SNTG2: variants seen among roughly 807,000 people sequenced by gnomAD.
SNTG2 encodes the protein syntrophin gamma 2.
Under a neutral mutation model 70.9 loss-of-function variants are expected in SNTG2, and 74 were observed. The ratio of observed to expected loss-of-function variants is 1.04; its 90% CI spans 0.86 to 1.27. The LOEUF is 1.27. SNTG2 is among the 50% of genes most tolerant of loss of function. SNTG2 has a pLI of 0.00. For missense variants in SNTG2, 717 were observed against 690.7 expected, an observed-to-expected ratio of 1.04 and a Z score of -0.43; for synonymous variants, 278 against 273.8, an observed-to-expected ratio of 1.02 and a Z score of -0.15.
chr2:1,205,945 A>C (rs2147982437), intron 8 of SNTG2, among the ~76,000 whole-genome samples: 1 of 152,292 alleles, frequency 6.6e-6, no homozygotes, highest in South Asian at 2.1e-4. Context: ...ATCATAAATT[A>C]AACAGAGGAA....
At position 1,124,948 on chromosome 2, in the gene SNTG2, C is replaced by T. The variant is rs375760284; in HGVS notation, c.326-12674C>T. Among the ~76,000 whole-genome samples, 14 of 152,166 alleles carry T rather than the reference C, an allele frequency of 9.2e-5. No individual in the cohort carries two copies. The East Asian group carries it at 2.5e-3, about 27-fold the overall frequency. ...CTACATTTTAGCTGCTCTTGACACA[C>T]ACAAAACAAAACAAAACAAAAATAT... On this transcript the variant is annotated intron_variant, in intron 4 of 16. Coordinates refer to ENST00000308624, the MANE Select transcript of SNTG2 (RefSeq NM_018968.4).
intron 9 of SNTG2, among the ~76,000 whole-genome samples, chr2:1,223,968 G>T (rs1273354348): frequency 6.6e-6 from 1 of 152,126 alleles, no homozygotes; most frequent in African/African-American, 2.4e-5. Context: ...CAGCAGGCAT[G>T]CGTCCCTCGA....
chr2:960,102 G>A (rs1293814500), intron 1 of SNTG2, among the ~76,000 whole-genome samples: 2 of 152,178 alleles, frequency 1.3e-5, no homozygotes, highest in East Asian at 1.9e-4. Context: ...AGGTTCTTCT[G>A]TATCAGTGGA....
intron 1 of SNTG2, among the ~76,000 whole-genome samples, chr2:1,070,853 G>A (rs919059619): frequency 1.3e-5 from 2 of 152,102 alleles, no homozygotes; most frequent in African/African-American, 4.8e-5. Flanking sequence ...TGTAGTGACT[G>A]TATTTACTGT....
chr2:1,283,217 C>G (rs1679629423), intron 14 of SNTG2, among the ~76,000 whole-genome samples: 1 of 152,130 alleles, frequency 6.6e-6, no homozygotes, highest in Non-Finnish European at 1.5e-5. Flanking sequence ...CAGCCGCATC[C>G]CTGCACCAGG....
intron 4 of SNTG2, among the ~76,000 whole-genome samples, chr2:1,099,954 G>T (rs1558398443): frequency 6.6e-6 from 1 of 152,166 alleles, no homozygotes; most frequent in Non-Finnish European, 1.5e-5. Context: ...CAGCAGATGG[G>T]ATTCCATTTA....
chr2:1,098,055 A>G (rs1665510428), intron 2 of SNTG2, 141 bp from the exon 3 acceptor site: 1 of 836,120 alleles, frequency 1.2e-6, no homozygotes, highest in Non-Finnish European at 2.0e-6. Flanking sequence ...AAATAGTGTC[A>G]TTACTGTCAT....
rs535587529 is a variant in SNTG2 at position 1,158,536 on chromosome 2, A to C, written c.412-7012A>C. On this transcript the variant is annotated intron_variant, in intron 6 of 16. Transcript: ENST00000308624. ...GAAAGAAGAATATTCATGACAATTG[A>C]ATAACACATCAGTGCACATTTCCAA... The C allele has an allele frequency of 1.4e-4, 21 of 152,350 alleles. No individual in the cohort carries two copies. The East Asian group carries it at 4.1e-3, about 29-fold the overall frequency. The allele number at this position is 152,350 out of a possible 1,614,324, so 9.4% of individuals were successfully genotyped here.
At chr2:1,209,053 T>C (rs1344351959) in intron 8 of SNTG2, 50 bp from the exon 9 acceptor site, 1 of 1,601,648 alleles carries the variant, frequency 6.2e-7, no homozygotes, top group Non-Finnish European at 8.5e-7. Context: ...TCTCCCCGCA[T>C]GCAGCCTCCT....
chr2:1,061,190 G>A (rs1375874031), intron 1 of SNTG2, among the ~76,000 whole-genome samples: 3 of 152,198 alleles, frequency 2.0e-5, no homozygotes, highest in African/African-American at 7.2e-5. Context: ...CGCTGGAGTG[G>A]AAAGAATGAC....
chr2:1,292,782 T>G (rs1203080054), intron 14 of SNTG2, among the ~76,000 whole-genome samples: 2 of 152,226 alleles, frequency 1.3e-5, no homozygotes, highest in African/African-American at 4.8e-5. Flanking sequence ...TCAATCTTCA[T>G]AGGGGATATT....
At chr2:1,072,601 C>T (rs1300858202) in intron 1 of SNTG2, among the ~76,000 whole-genome samples, 1 of 152,080 alleles carries the variant, frequency 6.6e-6, no homozygotes, top group Non-Finnish European at 1.5e-5. Flanking sequence ...TGGAGACATA[C>T]AGGGAGATTG....
At chr2:985,663 C>T (rs901422494) in intron 1 of SNTG2, among the ~76,000 whole-genome samples, 2 of 152,106 alleles carry the variant, frequency 1.3e-5, no homozygotes, top group Non-Finnish European at 2.9e-5. Context: ...ATCTAGCATT[C>T]TCTGTGGTTG....
chr2:1,237,641 C>A (rs755393506), intron 9 of SNTG2, among the ~76,000 whole-genome samples: 3 of 152,260 alleles, frequency 2.0e-5, no homozygotes, highest in Non-Finnish European at 4.4e-5. Context: ...GAGCACTGTT[C>A]TTTCCTTGAC....
At chr2:1,274,302 AT>A (rs1353227704) in intron 14 of SNTG2, among the ~76,000 whole-genome samples, 1 of 152,234 alleles carries the variant, frequency 6.6e-6, no homozygotes, top group Non-Finnish European at 1.5e-5. Flanking sequence ...TAACAGCTTC[AT>A]TTGTAAACAA....
At chr2:1,267,886 A>G (rs1572894855) in intron 14 of SNTG2, among the ~76,000 whole-genome samples, 1 of 152,216 alleles carries the variant, frequency 6.6e-6, no homozygotes, top group African/African-American at 2.4e-5. Context: ...AAGTGATGAC[A>G]CTTCTAGCCT....
chr2:1,177,492 A>AC (rs1475134416), intron 8 of SNTG2, among the ~76,000 whole-genome samples: 1 of 134,656 alleles, frequency 7.4e-6, no homozygotes, highest in Non-Finnish European at 1.6e-5. Flanking sequence ...AAAAATAAAA[A>AC]TTAAAAAAAA....
chr2:1,322,819 G>A (rs1681592509), intron 16 of SNTG2, among the ~76,000 whole-genome samples: 1 of 152,018 alleles, frequency 6.6e-6, no homozygotes. Flanking sequence ...AACCTGGGAA[G>A]GGCCCCTGCC....
intron 14 of SNTG2, among the ~76,000 whole-genome samples, chr2:1,277,629 A>G (rs1679321367): frequency 6.6e-6 from 1 of 152,218 alleles, no homozygotes; most frequent in African/African-American, 2.4e-5. Context: ...AACCAAACCT[A>G]TGCTATCTCC....
Sources: gnomAD v4.1 joint callset for allele counts (sites outside exome capture counted in the v4.1 genomes callset) on GRCh38, gnomAD v4.1.1 for gene constraint, MANE v1.5 for transcripts, NCBI Gene and HGNC (gene_info 2026-07-23, HGNC 2026-07-21) for gene names.